Variants in RPTOR observed in about 807,000 individuals in gnomAD.
RPTOR encodes regulatory associated protein of MTOR complex 1, also known as regulatory-associated protein of mTOR.
RPTOR carries 21 observed loss-of-function variants against 169.9 expected under a neutral mutation model. The ratio of observed to expected loss-of-function variants is 0.12; its 90% CI spans 0.09 to 0.18. The LOEUF (loss-of-function observed/expected upper bound fraction) is 0.18. RPTOR is among the 10% of genes least tolerant of loss of function. RPTOR has a pLI of 1.00. For synonymous variants in RPTOR, 732 were observed against 753.2 expected (o/e 0.97, Z 0.46); for missense variants, 1,133 against 1,855.9 (o/e 0.61, Z 7.16).
chr17:80,961,640 C>A, intron 31 of RPTOR, 160 bp downstream of exon 31: 1 of 836,920 alleles, frequency 1.2e-6, no homozygotes, highest in Non-Finnish European at 1.8e-6. Flanking sequence ...AGGCGCAGCC[C>A]GTAGGGGCCC....
At position 80,763,974 on chromosome 17, in the gene RPTOR, G is replaced by C. The variant is rs1022231704; in HGVS notation, c.830+9789G>C. Among the ~76,000 whole-genome samples, 3 of 151,788 alleles carry C rather than the reference G, an allele frequency of 2.0e-5. 1 individual carries two copies. Among genetic ancestry groups the C allele is most frequent in the Non-Finnish European group, 2.9e-5 (2 of 67,936 alleles). On this transcript the variant is annotated intron_variant, in intron 6 of 33. Coordinates refer to ENST00000306801, the MANE Select transcript of RPTOR (RefSeq NM_020761.3). ...CTCTTTATACATATTGTTTCATCCT[G>C]ACATCAACCTGAACAGGGAAAATTG... is the stretch of plus-strand genomic sequence containing the variant.
chr17:80,571,854 C>T (rs1194787635), intron 1 of RPTOR, among the ~76,000 whole-genome samples: 1 of 152,152 alleles, frequency 6.6e-6, no homozygotes, highest in South Asian at 2.1e-4. Flanking sequence ...CCTACCTGTG[C>T]GTCTCTAAAA....
chr17:80,878,142 A>G lies in RPTOR; in HGVS notation c.1510-2273A>G, dbSNP rs1359922386. Among the ~76,000 whole-genome samples the G allele has an allele frequency of 1.3e-5, 2 of 152,188 alleles. No individual in the cohort carries two copies. Among genetic ancestry groups the G allele is most frequent in the African/African-American group, 2.4e-5 (1 of 41,434 alleles). ...CCTTGCATGGCCTTCGTCCTCTGGA[A>G]AGGAGCATGCTGGGAGCTGGCAGAA... On this transcript the variant is annotated intron_variant, in intron 13 of 33. Coordinates refer to ENST00000306801, the MANE Select transcript of RPTOR (RefSeq NM_020761.3). This position sits in a 1 kb window ranked among gnomAD's most constrained non-coding sequence, Gnocchi z 4.1.
chr17:80,796,209 A>G (rs965119891), intron 7 of RPTOR, among the ~76,000 whole-genome samples: 1 of 152,152 alleles, frequency 6.6e-6, no homozygotes, highest in African/African-American at 2.4e-5. Flanking sequence ...CTATAAATAT[A>G]AAGGGGAGTT....
intron 2 of RPTOR, among the ~76,000 whole-genome samples, chr17:80,626,718 G>T (rs1168107203): frequency 3.6e-5 from 5 of 138,666 alleles, no homozygotes; most frequent in African/African-American, 1.1e-4. Context: ...TCCAGAGACT[G>T]TTTTTTTTTT....
chr17:80,936,132 G>A lies in RPTOR; in HGVS notation c.2920-4364G>A, dbSNP rs539228922. Among the ~76,000 whole-genome samples the A allele has an allele frequency of 2.1e-4, 32 of 152,280 alleles. No homozygotes were observed. The highest frequency in any genetic ancestry group is 7.2e-4 in the African/African-American group (30 of 41,544). On this transcript the variant is annotated intron_variant, in intron 24 of 33. Coordinates refer to ENST00000306801, the MANE Select transcript of RPTOR (RefSeq NM_020761.3). This position sits in a 1 kb window ranked among gnomAD's most constrained non-coding sequence, Gnocchi z 4.1. ...GCTCATTGTTAAGGATCTTAATCAC[G>A]GGAAAGTACGGACCCCTGCAGTGAG...
At chr17:80,822,865 G>GCA (rs2067396632) in intron 8 of RPTOR, among the ~76,000 whole-genome samples, 2 of 152,112 alleles carry the variant, frequency 1.3e-5, no homozygotes, top group South Asian at 4.2e-4. Flanking sequence ...ACACATGTAT[G>GCA]TATGCATGTG....
At chr17:80,799,575 T>A (rs964853315) in intron 7 of RPTOR, among the ~76,000 whole-genome samples, 4 of 152,208 alleles carry the variant, frequency 2.6e-5, no homozygotes, top group African/African-American at 9.6e-5. Flanking sequence ...CGTTGGTTCC[T>A]GGGTCCCACC....
chr17:80,839,888 G>T (rs1002004259), intron 10 of RPTOR, among the ~76,000 whole-genome samples: 2 of 152,158 alleles, frequency 1.3e-5, no homozygotes, highest in Non-Finnish European at 2.9e-5. Context: ...TCTTTTCAAG[G>T]ATTTTACTCT....
chr17:80,785,143 C>T (rs536276109), intron 6 of RPTOR, among the ~76,000 whole-genome samples: 1 of 152,292 alleles, frequency 6.6e-6, no homozygotes, highest in South Asian at 2.1e-4. Flanking sequence ...TTCAGTGACA[C>T]CTTCATCAGT....
chr17:80,688,887 A>G (rs1199016918), intron 3 of RPTOR, among the ~76,000 whole-genome samples: 1 of 152,196 alleles, frequency 6.6e-6, no homozygotes, highest in African/African-American at 2.4e-5. Context: ...TTCCACCCCA[A>G]GCCTGGTGGG....
At chr17:80,587,338 A>G (rs1220605843) in intron 1 of RPTOR, among the ~76,000 whole-genome samples, 2 of 152,204 alleles carry the variant, frequency 1.3e-5, no homozygotes, top group African/African-American at 4.8e-5. Context: ...CCCGAGATCG[A>G]TTCTGTTGCC....
rs1218858405 is a variant in RPTOR, at chr17:80,707,035, A to G, written c.349-806A>G. The stretch of plus-strand genomic sequence containing the variant: ...CCTTTGTTTATTATTTGTGTATATC[A>G]AGGCTATTGATTGTTCTCTGTCAGT... On this transcript the variant is annotated intron_variant, in intron 3 of 33. Transcript: ENST00000306801. This position sits in a 1 kb window ranked among gnomAD's most constrained non-coding sequence, Gnocchi z 5.0. 4.6e-5 allele frequency among the ~76,000 whole-genome samples: 7 copies of G among 152,090 alleles called. No homozygotes were observed. Among genetic ancestry groups the G allele is most frequent in the Non-Finnish European group, 8.8e-5 (6 of 68,028 alleles).
At chr17:80,848,232 GC>G (rs2067754331) in intron 11 of RPTOR, among the ~76,000 whole-genome samples, 1 of 151,840 alleles carries the variant, frequency 6.6e-6, no homozygotes, top group African/African-American at 2.4e-5. Context: ...GATCACTTGA[GC>G]CCAGGAGTTC....
intron 3 of RPTOR, among the ~76,000 whole-genome samples, chr17:80,691,125 A>G (rs1477393022): frequency 6.6e-6 from 1 of 152,242 alleles, no homozygotes; most frequent in Non-Finnish European, 1.5e-5. Flanking sequence ...GTATCTCTAT[A>G]TAAAGAAACC....
chr17:80,860,263 G>T lies in RPTOR; in HGVS notation c.1509+2363G>T, dbSNP rs1598358823. On this transcript the variant is annotated intron_variant, in intron 13 of 33. Transcript: ENST00000306801. This position sits in a 1 kb window ranked among gnomAD's most constrained non-coding sequence, Gnocchi z 5.8. ...CTGCTGTGCTCGCTGAAGCTGCCCT[G>T]TTGGGCTTTGTTCAGCCAAATTCAC... 6.6e-6 allele frequency among the ~76,000 whole-genome samples: 1 copy of T among 152,246 alleles called. No homozygotes were observed. The highest frequency in any genetic ancestry group is 1.5e-5 in the Non-Finnish European group (1 of 68,040).
chr17:80,692,775 A>T (rs191843770), intron 3 of RPTOR, among the ~76,000 whole-genome samples: 58 of 152,340 alleles, frequency 3.8e-4, no homozygotes, highest in African/African-American at 1.3e-3. Context: ...ATTACTTTTT[A>T]AAAAAATTAA....
chr17:80,897,757 G>T (rs1410903463), intron 20 of RPTOR, among the ~76,000 whole-genome samples: 1 of 152,216 alleles, frequency 6.6e-6, no homozygotes, highest in East Asian at 1.9e-4. Context: ...TCCGGGCATG[G>T]TGACAGGTGC....
chr17:80,784,240 C>CAAAAAAAAAAA (rs11356208), intron 6 of RPTOR, among the ~76,000 whole-genome samples: 1 of 148,670 alleles, frequency 6.7e-6, no homozygotes. Context: ...AGGCATGAGC[C>CAAAAAAAAAAA]AAAAAAAAAA....
Sources: gnomAD v4.1 joint callset for allele counts (sites outside exome capture counted in the v4.1 genomes callset) on GRCh38, gnomAD v4.1.1 for gene constraint, Gnocchi (gnomAD v3.1) non-coding constraint, MANE v1.5 for transcripts, NCBI Gene and HGNC (gene_info 2026-07-23, HGNC 2026-07-21) for gene names.